Variants in MBD5 observed in about 807,000 individuals in gnomAD.
MBD5 encodes the protein methyl-CpG binding domain protein 5.
MBD5 carries 13 observed loss-of-function variants against 117.3 expected under a neutral mutation model. The observed-to-expected ratio is 0.11, with a 90% CI of 0.07 to 0.18. The LOEUF (loss-of-function observed/expected upper bound fraction) is 0.18. Among genes scored for constraint, MBD5 ranks in the 10% least tolerant of loss-of-function variants. The pLI, the probability that MBD5 is intolerant of heterozygous loss-of-function variation, is 1.00. For synonymous variants in MBD5, 727 were observed against 766.4 expected, an observed-to-expected ratio of 0.95 and a Z score of 0.85; for missense variants, 1,879 against 2,093.8, an observed-to-expected ratio of 0.90 and a Z score of 2.00.
chr2:148,377,500 G>A (rs1574352499), intron 4 of MBD5, among the ~76,000 whole-genome samples: 1 of 152,128 alleles, frequency 6.6e-6, no homozygotes, highest in Non-Finnish European at 1.5e-5. Flanking sequence ...ACCAGTAAGG[G>A]ACTCCTATGT....
intron 3 of MBD5, among the ~76,000 whole-genome samples, chr2:148,294,503 T>TTTTTTTTTTTTGTTTG (rs1574250732): frequency 5.6e-5 from 1 of 17,828 alleles, no homozygotes; most frequent in South Asian, 4.6e-3. Context: ...GGATTACAGT[T>TTTTTTTTTTTTGTTTG]TTTTTTTTTT....
rs193210356 is a variant in MBD5 at position 148,261,552 on chromosome 2, T to C, written c.-680+28157T>C. On this transcript the variant is annotated intron_variant, in intron 3 of 13. Coordinates refer to ENST00000642680, the MANE Select transcript of MBD5 (RefSeq NM_001378120.1). The stretch of plus-strand genomic sequence containing the variant: ...GAATTGAAGAGAGTTAGGGCCTTGC[T>C]CTGAATTAGACTTTATTTTAAGGAA... 4.6e-5 allele frequency among the ~76,000 whole-genome samples: 7 copies of C among 152,330 alleles called. No individual in the cohort carries two copies. In the East Asian group the frequency reaches 5.8e-4, roughly 13 times the overall value.
intron 3 of MBD5, among the ~76,000 whole-genome samples, chr2:148,307,442 C>T (rs1205534111): frequency 1.3e-5 from 2 of 152,000 alleles, no homozygotes; most frequent in African/African-American, 2.4e-5. Context: ...TTTTATCATA[C>T]TCTTTTCCTC....
intron 1 of MBD5, chr2:148,025,592 T>C (rs952778252): frequency 5.3e-5 from 8 of 151,596 alleles, no homozygotes; most frequent in Admixed American, 5.3e-4. Context: ...TAAATCTTTT[T>C]CTCAAAAGTA....
chr2:148,400,858 C>G (rs1704897949), intron 4 of MBD5, among the ~76,000 whole-genome samples: 1 of 152,052 alleles, frequency 6.6e-6, no homozygotes, highest in South Asian at 2.1e-4. Flanking sequence ...GATTCTACTT[C>G]TGCATTCATT....
At chr2:148,329,360 C>T (rs1309583339) in intron 3 of MBD5, among the ~76,000 whole-genome samples, 1 of 152,068 alleles carries the variant, frequency 6.6e-6, no homozygotes, top group African/African-American at 2.4e-5. Flanking sequence ...AGGCTGTGAG[C>T]TTATTTGGAA....
intron 3 of MBD5, among the ~76,000 whole-genome samples, chr2:148,235,951 A>C (rs906666882): frequency 6.6e-6 from 1 of 152,018 alleles, no homozygotes; most frequent in Non-Finnish European, 1.5e-5. Context: ...GGCATGCGCT[A>C]TCACACCAGG....
chr2:148,266,987 G>A (rs1700874995), intron 3 of MBD5, among the ~76,000 whole-genome samples: 1 of 152,140 alleles, frequency 6.6e-6, no homozygotes, highest in Admixed American at 6.6e-5. Flanking sequence ...TACGGAGGCT[G>A]TTGGGATACA....
intron 3 of MBD5, among the ~76,000 whole-genome samples, chr2:148,334,919 A>G (rs944228461): frequency 5.3e-5 from 8 of 152,102 alleles, no homozygotes; most frequent in Admixed American, 3.9e-4. Context: ...TATGTATCCT[A>G]TATTTTATAT....
chr2:148,099,243 TA>T (rs1373977344), intron 1 of MBD5, among the ~76,000 whole-genome samples: 1 of 152,108 alleles, frequency 6.6e-6, no homozygotes, highest in African/African-American at 2.4e-5. Flanking sequence ...GGAATGGAAG[TA>T]AAAACTTACA....
chr2:148,047,396 G>A (rs554394538), intron 1 of MBD5, among the ~76,000 whole-genome samples: 6 of 152,276 alleles, frequency 3.9e-5, no homozygotes, highest in Admixed American at 1.3e-4. Flanking sequence ...TACATTTTGC[G>A]TGGAGACAGA....
chr2:148,047,738 A>G (rs1694570628), intron 1 of MBD5, among the ~76,000 whole-genome samples: 1 of 152,216 alleles, frequency 6.6e-6, no homozygotes, highest in Non-Finnish European at 1.5e-5. Flanking sequence ...ACCACTTAGG[A>G]TGAGAATACC....
At chr2:148,108,359 A>C (rs1696421894) in intron 1 of MBD5, among the ~76,000 whole-genome samples, 1 of 152,062 alleles carries the variant, frequency 6.6e-6, no homozygotes, top group Admixed American at 6.6e-5. Flanking sequence ...ATTTTTGTGA[A>C]GATTAAACGA....
intron 1 of MBD5, among the ~76,000 whole-genome samples, chr2:148,034,867 A>G (rs545815431): frequency 6.8e-4 from 104 of 152,334 alleles, no homozygotes; most frequent in African/African-American, 2.5e-3. Flanking sequence ...CAGATGACCA[A>G]TGATAAACAT....
intron 1 of MBD5, among the ~76,000 whole-genome samples, chr2:148,102,871 C>T (rs1309532943): frequency 2.0e-5 from 3 of 151,908 alleles, no homozygotes; most frequent in Admixed American, 6.6e-5. Flanking sequence ...ACAGTCTGTT[C>T]ACTGGCAGAT....
chr2:148,111,640 G>A (rs974323898), intron 1 of MBD5, among the ~76,000 whole-genome samples: 5 of 152,002 alleles, frequency 3.3e-5, no homozygotes, highest in Admixed American at 2.6e-4. Flanking sequence ...TATTATATGT[G>A]AGAATATCAT....
chr2:148,033,828 G>A (rs1265721306), intron 1 of MBD5, among the ~76,000 whole-genome samples: 1 of 152,110 alleles, frequency 6.6e-6, no homozygotes, highest in Non-Finnish European at 1.5e-5. Flanking sequence ...CAGCAGATTG[G>A]CATCTAAAAA....
chr2:148,077,253 T>C (rs1486197919), intron 1 of MBD5, among the ~76,000 whole-genome samples: 1 of 152,222 alleles, frequency 6.6e-6, no homozygotes, highest in East Asian at 1.9e-4. Flanking sequence ...CATGGAAATA[T>C]AAATCTTTTC....
rs1026400006 is a variant in MBD5 at position 148,515,467 on chromosome 2, A to G, written c.*2526A>G. 4.6e-5 allele frequency: 7 copies of G among 152,138 alleles called. No homozygotes were observed. Among genetic ancestry groups the G allele is most frequent in the African/African-American group, 1.7e-4 (7 of 41,410 alleles). 9.4% of individuals were successfully genotyped at this position (152,138 alleles called of 1,614,324 possible). On this transcript the variant is annotated 3_prime_UTR_variant, in exon 14 of 14. Coordinates refer to ENST00000642680, the MANE Select transcript of MBD5 (RefSeq NM_001378120.1). ...TTTTGTGTAAGCAGTTAATGTAAAT[A>G]TTGTTAGCATTACAGGTCATACAGT... is the stretch of plus-strand genomic sequence containing the variant.
Sources: allele counts gnomAD v4.1 joint callset (sites outside exome capture counted in the v4.1 genomes callset), GRCh38; gene constraint gnomAD v4.1.1; transcripts MANE v1.5; gene names NCBI Gene and HGNC (gene_info 2026-07-23, HGNC 2026-07-21).